The following GRM1 variants were observed in gnomAD, a reference collection of about 807,000 sequenced individuals.
The protein encoded by GRM1 is metabotropic glutamate receptor 1.
In GRM1, 33 loss-of-function variants were observed where a neutral mutation model predicts 90.9. The ratio of observed to expected loss-of-function variants is 0.36; its 90% confidence interval spans 0.28 to 0.49. The LOEUF is 0.49. Among genes scored for constraint, GRM1 ranks in the 20% least tolerant of loss-of-function variants. The probability of loss-of-function intolerance (pLI) is 0.99; values close to 1 mark genes in which losing one functional copy is unlikely to be tolerated. For synonymous variants in GRM1, 700 were observed against 613.2 expected, an observed-to-expected ratio of 1.14 and a Z score of -2.09; for missense variants, 1,190 against 1,534.3, an observed-to-expected ratio of 0.78 and a Z score of 3.75.
In GRM1 at chr6:146,227,193, T is replaced by C. The variant is rs1780271715; in HGVS notation, c.950+67596T>C. ...GAAATATCTAAAACATACAGAAATA[T>C]ATGTAGTATATAACGTGTGTGTGTA... On this transcript the variant is annotated intron_variant, in intron 2 of 7. Coordinates refer to ENST00000282753, the MANE Select transcript of GRM1 (RefSeq NM_001278064.2). 2.0e-5 allele frequency among the ~76,000 whole-genome samples: 3 copies of C among 151,984 alleles called. No homozygotes were observed. In the South Asian group the frequency reaches 6.2e-4, roughly 32 times the overall value.
chr6:146,136,347 A>G (rs979840581), intron 1 of GRM1, among the ~76,000 whole-genome samples: 2 of 152,162 alleles, frequency 1.3e-5, no homozygotes, highest in Non-Finnish European at 2.9e-5. Flanking sequence ...TTTTTTGAGG[A>G]GCCTCCAAAC....
chr6:146,324,435 G>C (rs993147245), intron 3 of GRM1, among the ~76,000 whole-genome samples: 1 of 151,314 alleles, frequency 6.6e-6, no homozygotes, highest in Non-Finnish European at 1.5e-5. Flanking sequence ...GGCTCCACTG[G>C]GGAAAAAAAA....
At chr6:146,393,876 CT>C (rs1216370751) in intron 6 of GRM1, among the ~76,000 whole-genome samples, 8 of 152,156 alleles carry the variant, frequency 5.3e-5, no homozygotes, top group Middle Eastern at 3.2e-3. Context: ...TACTACAAGG[CT>C]GCAGTAACCA....
chr6:146,170,869 AT>A (rs1290014302), intron 2 of GRM1, among the ~76,000 whole-genome samples: 1 of 152,024 alleles, frequency 6.6e-6, no homozygotes, highest in Non-Finnish European at 1.5e-5. Flanking sequence ...AAAACTGGAA[AT>A]TTTGTTAATA....
intron 2 of GRM1, among the ~76,000 whole-genome samples, chr6:146,173,114 A>G (rs1778198990): frequency 6.6e-6 from 1 of 152,042 alleles, no homozygotes; most frequent in Admixed American, 6.6e-5. Flanking sequence ...TTTTGGCCTG[A>G]TGCAGCAACT....
intron 6 of GRM1, among the ~76,000 whole-genome samples, chr6:146,392,268 A>G (rs1192955282): frequency 2.0e-5 from 3 of 152,130 alleles, no homozygotes; most frequent in Non-Finnish European, 4.4e-5. Flanking sequence ...TATTCATGGT[A>G]GAGATCCTGG....
intron 1 of GRM1, among the ~76,000 whole-genome samples, chr6:146,101,913 A>G (rs1370856861): frequency 6.6e-6 from 1 of 151,522 alleles, no homozygotes; most frequent in Non-Finnish European, 1.5e-5. Flanking sequence ...ATACCAACTT[A>G]CTGAGTATCT....
chr6:146,198,174 C>A (rs1779184110), intron 2 of GRM1, among the ~76,000 whole-genome samples: 1 of 152,190 alleles, frequency 6.6e-6, no homozygotes, highest in South Asian at 2.1e-4. Context: ...CTCAATAAAG[C>A]CATTTAAAAA....
At chr6:146,280,015 T>G (rs2114850936) in intron 2 of GRM1, among the ~76,000 whole-genome samples, 1 of 152,320 alleles carries the variant, frequency 6.6e-6, no homozygotes, top group East Asian at 1.9e-4. Context: ...ATTGAACTTC[T>G]TGGATGTGTG....
intron 1 of GRM1, among the ~76,000 whole-genome samples, chr6:146,089,991 A>G (rs778968743): frequency 4.6e-5 from 7 of 152,020 alleles, no homozygotes; most frequent in South Asian, 4.1e-4. Flanking sequence ...TGTAATATGT[A>G]TTATAGATAT....
At chr6:146,218,254 G>C (rs1219215371) in intron 2 of GRM1, among the ~76,000 whole-genome samples, 1 of 152,142 alleles carries the variant, frequency 6.6e-6, no homozygotes, top group African/African-American at 2.4e-5. Flanking sequence ...GTTTTGGTGA[G>C]ACTGTGAGAT....
Position 146,304,530 on chromosome 6 carries a change from C to T in GRM1, c.951-81C>T, listed in dbSNP as rs377533379. 4.6e-5 allele frequency: 45 copies of T among 967,768 alleles called. No individual in the cohort carries two copies. In the African/African-American group the frequency reaches 6.0e-4, roughly 13 times the overall value. 59.9% of individuals were successfully genotyped at this position (967,768 alleles called of 1,614,324 possible). A position where few individuals can be genotyped will look rare whatever the true frequency, so the allele number is the denominator to read the frequency against. ...ATAGTCTGTAGCCTTTTCTGGATTG[C>T]TTCATTCATATATAACTCTGAGCTC... On this transcript the variant is annotated intron_variant, in intron 2 of 7. Transcript: ENST00000282753.
At chr6:146,382,561 A>C (rs557415209) in intron 5 of GRM1, among the ~76,000 whole-genome samples, 1 of 152,290 alleles carries the variant, frequency 6.6e-6, no homozygotes, top group Admixed American at 6.5e-5. Context: ...AGGAAAGATG[A>C]CATTCTAAAT....
In GRM1 at chr6:146,120,149, C is replaced by G. The variant is rs191306892; in HGVS notation, c.701-39199C>G. On this transcript the variant is annotated intron_variant, in intron 1 of 7. Coordinates refer to ENST00000282753, the MANE Select transcript of GRM1 (RefSeq NM_001278064.2). ...TGCTTTGTAGTTCTACTTGAAGAGG[C>G]CTTTCACATCCCTTGTAAGGTGGAT... Among the ~76,000 whole-genome samples, 669 of 152,198 alleles carry G rather than the reference C, an allele frequency of 4.4e-3. 6 individuals carry two copies. The highest frequency in any genetic ancestry group is 0.015 in the African/African-American group (634 of 41,534).
chr6:146,234,991 C>G (rs1780587999), intron 2 of GRM1, among the ~76,000 whole-genome samples: 1 of 152,130 alleles, frequency 6.6e-6, no homozygotes, highest in African/African-American at 2.4e-5. Flanking sequence ...CTACCTCAGT[C>G]TCCAAAAGTA....
intron 1 of GRM1, among the ~76,000 whole-genome samples, chr6:146,126,541 A>G (rs1249309172): frequency 6.6e-6 from 1 of 152,176 alleles, no homozygotes; most frequent in Admixed American, 6.5e-5. Flanking sequence ...TATTCTTTGA[A>G]CTAAACAATT....
At chr6:146,357,490 A>T (rs1266036495) in intron 4 of GRM1, 36 bp from the exon 5 acceptor site, 5 of 1,506,122 alleles carry the variant, frequency 3.3e-6, no homozygotes, top group Non-Finnish European at 4.6e-6. Flanking sequence ...CATTATGTCT[A>T]TATTCTATAA....
At chr6:146,272,425 C>T (rs1782198017) in intron 2 of GRM1, among the ~76,000 whole-genome samples, 1 of 152,118 alleles carries the variant, frequency 6.6e-6, no homozygotes, top group Non-Finnish European at 1.5e-5. Context: ...AACTGGGGAC[C>T]TTTTAGACTA....
chr6:146,201,169 G>A (rs985055422), intron 2 of GRM1, among the ~76,000 whole-genome samples: 1 of 152,178 alleles, frequency 6.6e-6, no homozygotes, highest in Non-Finnish European at 1.5e-5. Context: ...TTATATTTGT[G>A]TTAAAATTTG....
Sources: allele counts gnomAD v4.1 joint callset (sites outside exome capture counted in the v4.1 genomes callset), GRCh38; gene constraint gnomAD v4.1.1; transcripts MANE v1.5; gene names NCBI Gene and HGNC (gene_info 2026-07-23, HGNC 2026-07-21).